The following NAALADL2 variants were observed in gnomAD, a reference collection of about 807,000 sequenced individuals.
The protein encoded by NAALADL2 is inactive N-acetylated-alpha-linked acidic dipeptidase-like protein 2.
Under a neutral mutation model 87.2 loss-of-function variants are expected in NAALADL2, and 76 were observed. The observed-to-expected ratio is 0.87, with a 90% confidence interval of 0.72 to 1.05. The LOEUF (loss-of-function observed/expected upper bound fraction) is 1.05. Ranked by LOEUF, NAALADL2 falls within the 50% of genes least tolerant of loss-of-function variation. NAALADL2 has a pLI of 0.00. For missense variants in NAALADL2, 1,089 were observed against 945.8 expected (o/e 1.15, Z -1.99); for synonymous variants, 354 against 331.0 (o/e 1.07, Z -0.75).
chr3:175,089,713 A>G (rs1012549855), intron 1 of NAALADL2, among the ~76,000 whole-genome samples: 4 of 152,210 alleles, frequency 2.6e-5, no homozygotes, highest in African/African-American at 9.6e-5. Flanking sequence ...GATAGAGCAT[A>G]TTCTCAATAC....
chr3:174,541,682 C>T (rs1029825052), intron 1 of NAALADL2, among the ~76,000 whole-genome samples: 13 of 152,100 alleles, frequency 8.5e-5, no homozygotes, highest in Non-Finnish European at 1.5e-5. Context: ...TATGTTTCTT[C>T]CTACACAACT....
chr3:174,869,051 A>G (rs1372789981), intron 1 of NAALADL2, among the ~76,000 whole-genome samples: 1 of 152,168 alleles, frequency 6.6e-6, no homozygotes, highest in Non-Finnish European at 1.5e-5. Flanking sequence ...CGGAGTTTTC[A>G]GAGGAATTCA....
Position 174,556,323 on chromosome 3 carries a change from T to C in NAALADL2, c.-115+5686T>C, listed in dbSNP as rs567543654. 7.2e-5 allele frequency among the ~76,000 whole-genome samples: 11 copies of C among 152,308 alleles called. No individual in the cohort carries two copies. The South Asian group carries it at 2.3e-3, about 32-fold the overall frequency. ...TAAAGATCCTGGATATCTAGGAGAC[T>C]GATGCTGAATTTTTACACATCTTTA... On this transcript the variant is annotated intron_variant, in intron 2 of 3. Transcript: ENST00000434257.
chr3:174,913,227 G>C (rs1241936684), intron 1 of NAALADL2, among the ~76,000 whole-genome samples: 1 of 151,962 alleles, frequency 6.6e-6, no homozygotes, highest in Admixed American at 6.6e-5. Flanking sequence ...AAGTTTGAAG[G>C]GTTTACATAA....
intron 10 of NAALADL2, among the ~76,000 whole-genome samples, chr3:175,581,462 G>T (rs938357145): frequency 2.6e-5 from 4 of 151,994 alleles, no homozygotes; most frequent in African/African-American, 9.6e-5. Flanking sequence ...AATAAATAAA[G>T]CCTGAATACA....
intron 1 of NAALADL2, among the ~76,000 whole-genome samples, chr3:174,960,017 A>G (rs1741745128): frequency 1.3e-5 from 2 of 152,020 alleles, no homozygotes; most frequent in African/African-American, 2.4e-5. Flanking sequence ...AGGTCTGCAG[A>G]TATGATGATG....
Position 174,886,637 on chromosome 3 carries a change from C to T in NAALADL2, c.43+27187C>T, listed in dbSNP as rs1303730319. The stretch of plus-strand genomic sequence containing the variant: ...TGGAATAGCTATATTCTCCTGGTGC[C>T]AGACTCTGTTTTAATGATTTGAAAT... On this transcript the variant is annotated intron_variant, in intron 1 of 13. Transcript: ENST00000454872. 5.3e-5 allele frequency among the ~76,000 whole-genome samples: 8 copies of T among 152,134 alleles called. 1 individual carries two copies. The South Asian group carries it at 1.7e-3, about 32-fold the overall frequency.
At chr3:175,573,529 C>T (rs1161348204) in intron 9 of NAALADL2, among the ~76,000 whole-genome samples, 6 of 152,174 alleles carry the variant, frequency 3.9e-5, no homozygotes, top group Admixed American at 3.9e-4. Flanking sequence ...AAATGTCTTG[C>T]CTGCCTCAGG....
At chr3:175,227,235 A>C (rs1744285222) in intron 2 of NAALADL2, among the ~76,000 whole-genome samples, 1 of 151,978 alleles carries the variant, frequency 6.6e-6, no homozygotes. Flanking sequence ...TCCAATTCTG[A>C]CATCACTGTT....
At chr3:175,783,758 A>G (rs1323292967) in intron 13 of NAALADL2, among the ~76,000 whole-genome samples, 1 of 151,050 alleles carries the variant, frequency 6.6e-6, no homozygotes, top group Non-Finnish European at 1.5e-5. Context: ...GAGTGGTGAG[A>G]CAGGGCATCC....
intron 10 of NAALADL2, among the ~76,000 whole-genome samples, chr3:175,593,098 A>G (rs1304560745): frequency 2.0e-5 from 3 of 151,922 alleles, no homozygotes; most frequent in Non-Finnish European, 4.4e-5. Context: ...TGCTGCACCA[A>G]TCAACCCATC....
intron 10 of NAALADL2, among the ~76,000 whole-genome samples, chr3:175,604,334 C>T (rs980114691): frequency 3.0e-5 from 4 of 132,914 alleles, no homozygotes; most frequent in African/African-American, 8.7e-5. Context: ...GACAGAGTCT[C>T]GCTGTGTTGC....
In NAALADL2 at chr3:175,018,344, A is replaced by AT. The variant is rs748928947; in HGVS notation, c.44-78439dup. Among the ~76,000 whole-genome samples, 12 of 152,130 alleles carry AT rather than the reference A, an allele frequency of 7.9e-5. No individual in the cohort carries two copies. The East Asian group carries it at 2.3e-3, about 29-fold the overall frequency. On this transcript the variant is annotated intron_variant, in intron 1 of 13. Coordinates refer to ENST00000454872, the MANE Select transcript of NAALADL2 (RefSeq NM_207015.3). Reference sequence around the variant, plus strand: ...CAGGCAAATTAACAGGTGCCAGGGCATTTTTTTCATTAAGCAAAATAGAGA... The same window carrying AT: ...CAGGCAAATTAACAGGTGCCAGGGCATTTTTTTTCATTAAGCAAAATAGAGA...
intron 2 of NAALADL2, among the ~76,000 whole-genome samples, chr3:175,182,354 C>G (rs1410042337): frequency 6.6e-6 from 1 of 151,700 alleles, no homozygotes; most frequent in Non-Finnish European, 1.5e-5. Context: ...CATCTTTTCT[C>G]TATTAATTGT....
intron 10 of NAALADL2, among the ~76,000 whole-genome samples, chr3:175,584,021 A>T (rs1321605113): frequency 6.6e-6 from 1 of 151,314 alleles, no homozygotes; most frequent in Non-Finnish European, 1.5e-5. Flanking sequence ...ACCAGTGAGG[A>T]AGGTACTATT....
intron 2 of NAALADL2, among the ~76,000 whole-genome samples, chr3:174,581,662 G>A (rs1025318508): frequency 2.6e-5 from 4 of 152,238 alleles, no homozygotes; most frequent in African/African-American, 2.4e-5. Context: ...ACTATCTACC[G>A]CATTTTTAGA....
intron 11 of NAALADL2, among the ~76,000 whole-genome samples, chr3:175,658,214 C>A (rs1731770826): frequency 6.6e-6 from 1 of 152,046 alleles, no homozygotes; most frequent in African/African-American, 2.4e-5. Flanking sequence ...GCATTTCACA[C>A]TTGCTGCAGT....
intron 4 of NAALADL2, among the ~76,000 whole-genome samples, chr3:175,289,048 G>A (rs922521817): frequency 5.3e-5 from 8 of 152,200 alleles, no homozygotes; most frequent in African/African-American, 1.7e-4. Flanking sequence ...TTTCAAAATT[G>A]TGATTTAAAT....
At chr3:175,692,206 C>CT (rs923436093) in intron 11 of NAALADL2, among the ~76,000 whole-genome samples, 120 of 151,224 alleles carry the variant, frequency 7.9e-4, no homozygotes, top group African/African-American at 2.1e-3. Context: ...CTTGTTTTCA[C>CT]TTTTTTTTTG....
Sources: gnomAD v4.1 joint callset for allele counts (sites outside exome capture counted in the v4.1 genomes callset) on GRCh38, gnomAD v4.1.1 for gene constraint, MANE v1.5 for transcripts, NCBI Gene and HGNC (gene_info 2026-07-23, HGNC 2026-07-21) for gene names.